FGF14: variants seen among roughly 807,000 people sequenced by gnomAD.
FGF14 encodes fibroblast growth factor 14.
A neutral mutation model predicts 25.5 loss-of-function variants in FGF14; 5 were observed. That is an observed-to-expected ratio of 0.20 (90% CI 0.10 to 0.41). FGF14 has a LOEUF of 0.41. FGF14 is among the 10% of genes least tolerant of loss of function. FGF14 has a pLI of 1.00. For synonymous variants in FGF14, 138 were observed against 118.3 expected, an observed-to-expected ratio of 1.17 and a Z score of -1.08; for missense variants, 222 against 320.1, an observed-to-expected ratio of 0.69 and a Z score of 2.34.
At chr13:102,243,111 TA>T (rs1250851391) in intron 1 of FGF14, among the ~76,000 whole-genome samples, 1 of 152,082 alleles carries the variant, frequency 6.6e-6, no homozygotes, top group East Asian at 1.9e-4. Context: ...TCAGCTACAA[TA>T]AAGCCCTAAA....
chr13:101,970,171 G>C (rs574533544), intron 1 of FGF14, among the ~76,000 whole-genome samples: 1 of 152,104 alleles, frequency 6.6e-6, no homozygotes, highest in African/African-American at 2.4e-5. Context: ...AATATTTTTC[G>C]GTTCTTTACA....
chr13:101,987,552 CT>C (rs1470749191), intron 1 of FGF14, among the ~76,000 whole-genome samples: 1 of 151,846 alleles, frequency 6.6e-6, no homozygotes, highest in Non-Finnish European at 1.5e-5. Context: ...TTATCTTTTT[CT>C]TTTTATCACA....
At chr13:101,836,803 G>A (rs534647944) in intron 3 of FGF14, among the ~76,000 whole-genome samples, 3 of 152,012 alleles carry the variant, frequency 2.0e-5, no homozygotes, top group African/African-American at 7.2e-5. Context: ...TTTGAGAGCT[G>A]GCAGAAGAGA....
intron 1 of FGF14, among the ~76,000 whole-genome samples, chr13:102,061,381 C>CA (rs1160671383): frequency 3.9e-5 from 6 of 152,236 alleles, no homozygotes; most frequent in Admixed American, 3.3e-4. Flanking sequence ...CCTGCCCGTC[C>CA]ACATGTTCCT....
intron 1 of FGF14, among the ~76,000 whole-genome samples, chr13:102,324,516 C>A (rs1369010614): frequency 6.6e-6 from 1 of 152,132 alleles, no homozygotes; most frequent in African/African-American, 2.4e-5. Flanking sequence ...TTTCTTCCCA[C>A]CCCTTGTGGA....
chr13:101,722,116 C>T lies in FGF14; in HGVS notation c.*715G>A, dbSNP rs2035035749. 1 of 153,260 alleles carries T rather than the reference C, an allele frequency of 6.5e-6. No homozygotes were observed. The highest frequency in any genetic ancestry group is 2.1e-4 in the South Asian group (1 of 4,862). 9.5% of individuals were successfully genotyped at this position (153,260 alleles called of 1,614,324 possible). A position where few individuals can be genotyped will look rare whatever the true frequency, so the allele number is the denominator to read the frequency against. ...GTGTTTGAGCCATTTCCCACCCAGG[C>T]AATGCCGACCTTGGGAGCACAGTAT... On this transcript the variant is annotated 3_prime_UTR_variant, in exon 5 of 5. Coordinates refer to ENST00000376143, the MANE Select transcript of FGF14 (RefSeq NM_004115.4).
chr13:101,961,468 T>G (rs2036853964), intron 1 of FGF14, among the ~76,000 whole-genome samples: 1 of 152,204 alleles, frequency 6.6e-6, no homozygotes, highest in African/African-American at 2.4e-5. Context: ...TGCTTGTTTT[T>G]GTCAGGCTTG....
intron 1 of FGF14, among the ~76,000 whole-genome samples, chr13:101,998,310 C>T (rs1204727842): frequency 1.3e-5 from 2 of 151,934 alleles, no homozygotes; most frequent in Non-Finnish European, 1.5e-5. Context: ...TGGGAATTTC[C>T]TCTTTAAATG....
intron 3 of FGF14, among the ~76,000 whole-genome samples, chr13:101,764,027 C>T (rs1013778213): frequency 7.2e-5 from 11 of 152,046 alleles, no homozygotes; most frequent in African/African-American, 2.7e-4. Flanking sequence ...GAAAGTTAAC[C>T]TCCCCAGAAC....
chr13:102,270,241 T>C (rs1482452372), intron 1 of FGF14, among the ~76,000 whole-genome samples: 2 of 152,150 alleles, frequency 1.3e-5, no homozygotes, highest in African/African-American at 2.4e-5. Flanking sequence ...TTCATCTCTC[T>C]CTCTCTCTCT....
At chr13:102,087,365 T>C (rs576798848) in intron 1 of FGF14, among the ~76,000 whole-genome samples, 2 of 151,536 alleles carry the variant, frequency 1.3e-5, no homozygotes, top group East Asian at 3.9e-4. Context: ...AGATTCCTCA[T>C]GTGTACCTTG....
Position 102,330,922 on chromosome 13 carries a change from G to T in FGF14, c.208+70549C>A, listed in dbSNP as rs151270916. Among the ~76,000 whole-genome samples, 893 of 152,284 alleles carry T rather than the reference G, an allele frequency of 5.9e-3. 5 individuals carry two copies. Among genetic ancestry groups the T allele is most frequent in the African/African-American group, 0.02 (814 of 41,562 alleles). On this transcript the variant is annotated intron_variant, in intron 1 of 4. Coordinates refer to the FGF14 transcript ENST00000376131. ...TTTCTGGCATCTAAAATAGCAATAT[G>T]CCAATAAATATGTGTTAAATAAATT...
intron 1 of FGF14, among the ~76,000 whole-genome samples, chr13:102,239,299 T>G (rs1230340211): frequency 1.3e-5 from 2 of 152,208 alleles, no homozygotes; most frequent in African/African-American, 4.8e-5. Flanking sequence ...ATGTCTAGTG[T>G]ACTTATCAGA....
intron 1 of FGF14, among the ~76,000 whole-genome samples, chr13:102,036,706 C>CGAAGAAGAA (rs1193537109): frequency 2.6e-5 from 4 of 151,630 alleles, no homozygotes; most frequent in Admixed American, 2.6e-4. Flanking sequence ...AGGAGGAGGA[C>CGAAGAAGAA]GAAGAAGAAA....
At chr13:101,884,201 G>A (rs1398707984) in intron 1 of FGF14, among the ~76,000 whole-genome samples, 1 of 151,950 alleles carries the variant, frequency 6.6e-6, no homozygotes, top group Non-Finnish European at 1.5e-5. Flanking sequence ...CGCTGCCCAG[G>A]TACCACTCAG....
At chr13:101,996,695 T>C (rs929640832) in intron 1 of FGF14, among the ~76,000 whole-genome samples, 6 of 152,174 alleles carry the variant, frequency 3.9e-5, no homozygotes, top group African/African-American at 1.4e-4. Flanking sequence ...GTAAGTAAGT[T>C]AGGAATTGGT....
intron 1 of FGF14, among the ~76,000 whole-genome samples, chr13:101,994,020 A>T (rs2039048243): frequency 1.3e-5 from 2 of 152,102 alleles, no homozygotes; most frequent in South Asian, 4.1e-4. Context: ...TTCATTTCTT[A>T]CATGTGATAA....
rs148687898 is a variant in FGF14 at position 101,916,493 on chromosome 13, C to T, written c.153G>A (p.Val51=). ...NGNLVDIFSK[V]RIFGLKKRRL... ...TGCGCTTCTTGAGGCCGAAGATGCG[C>T]ACTTTGGAGAAGATATCCACCAGGT... The change falls in exon 1 of 5, where the codon GTG becomes GTA. Residue 51 remains valine, a synonymous_variant. Coordinates refer to ENST00000376143, the MANE Select transcript of FGF14 (RefSeq NM_004115.4). 73 of 1,613,968 alleles carry T rather than the reference C, an allele frequency of 4.5e-5. No individual in the cohort carries two copies. In the African/African-American group the frequency reaches 8.1e-4, roughly 18 times the overall value.
At chr13:101,753,831 A>T (rs560069234) in intron 3 of FGF14, among the ~76,000 whole-genome samples, 1 of 152,032 alleles carries the variant, frequency 6.6e-6, no homozygotes, top group Non-Finnish European at 1.5e-5. Flanking sequence ...TTCCTTGTTT[A>T]TCTCAACAGT....
Sources: gnomAD v4.1 joint callset for allele counts (sites outside exome capture counted in the v4.1 genomes callset) on GRCh38, gnomAD v4.1.1 for gene constraint, MANE v1.5 for transcripts, NCBI Gene and HGNC (gene_info 2026-07-23, HGNC 2026-07-21) for gene names.